Variants in TEX11 observed in about 807,000 individuals in gnomAD.
TEX11 encodes the protein testis-expressed protein 11.
TEX11 carries 7 observed loss-of-function variants against 84.4 expected under a neutral mutation model. The observed-to-expected ratio is 0.08, with a 90% CI of 0.05 to 0.16. The LOEUF (loss-of-function observed/expected upper bound fraction) is 0.16, where lower values mean the gene tolerates loss of function less well. Among genes scored for constraint, TEX11 ranks in the 10% least tolerant of loss-of-function variants. The probability of loss-of-function intolerance (pLI) is 1.00; values close to 1 mark genes in which losing one functional copy is unlikely to be tolerated. For missense variants in TEX11, 551 were observed against 660.5 expected (o/e 0.83, Z 1.82); for synonymous variants, 264 against 222.8 (o/e 1.18, Z -1.64).
rs9988263 is a variant in TEX11 at position 70,844,849 on chromosome X, C to T, written c.525+8185G>A. ...ACCTCCCAGGCTGAGGCATGAGAAC[C>T]GCTTGAACCCGGGAGGCAGAGGCTG... On this transcript the variant is annotated intron_variant, in intron 7 of 29. Transcript: ENST00000374333. Among the ~76,000 whole-genome samples the T allele has an allele frequency of 8.9e-3, 978 of 109,838 alleles. 13 individuals are homozygous for T. The highest frequency in any genetic ancestry group is 0.03 in the African/African-American group (919 of 30,172).
intron 23 of TEX11, among the ~76,000 whole-genome samples, chrX:70,606,414 C>G (rs1349093184): frequency 8.9e-6 from 1 of 112,038 alleles, no homozygotes; most frequent in African/African-American, 3.2e-5. Context: ...CATTTAACCT[C>G]TACCTTGGAG....
At chrX:70,589,618 G>C (rs925169532) in intron 25 of TEX11, among the ~76,000 whole-genome samples, 1 of 111,563 alleles carries the variant, frequency 9.0e-6, no homozygotes, top group African/African-American at 3.3e-5. Flanking sequence ...CGCCTGCGGG[G>C]TTCAAGCGAT....
chrX:70,788,391 G>T (rs1389324524), intron 9 of TEX11, among the ~76,000 whole-genome samples: 1 of 111,073 alleles, frequency 9.0e-6, no homozygotes, highest in Non-Finnish European at 1.9e-5. Context: ...TTCAACAAAG[G>T]TGCCAAGAAT....
chrX:70,831,063 G>A (rs897596936), intron 8 of TEX11, among the ~76,000 whole-genome samples: 8 of 111,538 alleles, frequency 7.2e-5, no homozygotes, highest in Non-Finnish European at 1.5e-4. Flanking sequence ...CAACCTAAGG[G>A]TCCAACAAGA....
At chrX:70,707,989 A>C (rs1453874675) in intron 13 of TEX11, among the ~76,000 whole-genome samples, 3 of 111,298 alleles carry the variant, frequency 2.7e-5, no homozygotes, top group Non-Finnish European at 5.7e-5. Context: ...AAGAATATTA[A>C]AATATTCACA....
rs189207873 is a variant in TEX11 at position 70,534,644 on chromosome X, T to A, written c.2521-4645A>T. ...AAACCAGTTTTCTCTGTCCTCAACA[T>A]CTTAATACATATGGCAGCCACGTAG... is the stretch of plus-strand genomic sequence containing the variant. On this transcript the variant is annotated intron_variant, in intron 28 of 29. Transcript: ENST00000374333. Among the ~76,000 whole-genome samples the A allele has an allele frequency of 2.7e-5, 3 of 111,662 alleles. No homozygotes were observed. The Admixed American group carries it at 2.9e-4, about 11-fold the overall frequency.
intron 15 of TEX11, among the ~76,000 whole-genome samples, chrX:70,678,462 A>AC (rs2090093744): frequency 6.9e-5 from 1 of 14,470 alleles, no homozygotes; most frequent in African/African-American, 1.7e-4. Context: ...TGTCTTGTAA[A>AC]GGTTTTTTTT....
intron 9 of TEX11, among the ~76,000 whole-genome samples, chrX:70,762,834 G>A (rs1025667340): frequency 1.8e-5 from 2 of 110,490 alleles, no homozygotes; most frequent in Admixed American, 9.6e-5. Flanking sequence ...AGGAGTCCGA[G>A]ACCAGCCTGA....
At chrX:70,629,789 A>G (rs1187338880) in intron 17 of TEX11, 54 bp from the exon 18 acceptor site, 6 of 868,656 alleles carry the variant, frequency 6.9e-6, no homozygotes, top group African/African-American at 2.1e-5. Flanking sequence ...AAGAAATTAC[A>G]TATCTATGGT....
intron 28 of TEX11, among the ~76,000 whole-genome samples, chrX:70,539,375 G>T (rs963956825): frequency 6.3e-5 from 7 of 110,461 alleles, no homozygotes; most frequent in Admixed American, 2.9e-4. Flanking sequence ...TAGGTCTGGG[G>T]CCTAAGATTC....
chrX:70,839,312 C>A (rs1182204428), intron 7 of TEX11, among the ~76,000 whole-genome samples: 1 of 111,753 alleles, frequency 8.9e-6, no homozygotes, highest in Non-Finnish European at 1.9e-5. Flanking sequence ...AGCGATCAGG[C>A]AGCAGCATCT....
At chrX:70,526,457 T>C (rs2087823400), downstream of TEX11, among the ~76,000 whole-genome samples, 2 of 109,463 alleles carry the variant, frequency 1.8e-5, no homozygotes, top group Non-Finnish European at 3.8e-5. Flanking sequence ...TAGTCTCAGC[T>C]ACTTGGGAGG....
intron 28 of TEX11, among the ~76,000 whole-genome samples, chrX:70,539,038 A>ATATATATATATATATATTTT: frequency 4.8e-5 from 2 of 41,255 alleles, no homozygotes; most frequent in Non-Finnish European, 4.1e-5. Flanking sequence ...ATATATATAT[A>ATATATATATATATATATTTT]TTTTTTTTTT....
Position 70,605,571 on chromosome X carries a change from CACAA to C in TEX11, c.1951-58_1951-55del, listed in dbSNP as rs1487639609. On this transcript the variant is annotated intron_variant, in intron 23 of 29. Transcript: ENST00000374333. ...AATAGTGAGAATTCTGCCAGGTGAA[CACAA>C]ACAATCAGAATGAAAATCAGCAACT... The C allele has an allele frequency of 6.1e-6, 5 of 822,079 alleles. No homozygotes were observed. In the East Asian group the frequency reaches 1.3e-4, roughly 21 times the overall value. The allele number at this position is 822,079 out of a possible 1,213,427, so 67.7% of individuals were successfully genotyped here. A position where few individuals can be genotyped will look rare whatever the true frequency, so the allele number is the denominator to read the frequency against.
At chrX:70,849,916 T>G (rs1041862107) in intron 7 of TEX11, among the ~76,000 whole-genome samples, 1 of 111,971 alleles carries the variant, frequency 8.9e-6, no homozygotes, top group Non-Finnish European at 1.9e-5. Context: ...TAAAAGGGAC[T>G]TAAGGGTCAT....
intron 2 of TEX11, among the ~76,000 whole-genome samples, chrX:70,890,225 C>T (rs780738740): frequency 8.9e-6 from 1 of 111,962 alleles, no homozygotes; most frequent in South Asian, 3.7e-4. Flanking sequence ...GGATTCCATT[C>T]CAAGATGGTC....
intron 25 of TEX11, among the ~76,000 whole-genome samples, chrX:70,573,639 C>T (rs1000167808): frequency 1.8e-5 from 2 of 111,150 alleles, no homozygotes; most frequent in African/African-American, 6.5e-5. Flanking sequence ...AATGAAGGAA[C>T]CAAGCAAAGA....
chrX:70,840,211 GT>G, intron 7 of TEX11, among the ~76,000 whole-genome samples: 1 of 111,569 alleles, frequency 9.0e-6, no homozygotes, highest in African/African-American at 3.3e-5. Flanking sequence ...AGGAAAAAAC[GT>G]TAAGGGCAGC....
intron 13 of TEX11, among the ~76,000 whole-genome samples, chrX:70,708,518 T>G (rs1212635843): frequency 3.6e-5 from 4 of 111,724 alleles, no homozygotes; most frequent in African/African-American, 9.7e-5. Context: ...CACTGTGCTA[T>G]TCACAATAGC....
Sources: allele counts gnomAD v4.1 joint callset (sites outside exome capture counted in the v4.1 genomes callset), GRCh38; gene constraint gnomAD v4.1.1; transcripts MANE v1.5; gene names NCBI Gene and HGNC (gene_info 2026-07-23, HGNC 2026-07-21).